HMGA2: variants seen among roughly 807,000 people sequenced by gnomAD.
HMGA2 encodes the protein high mobility group AT-hook 2, also known as high mobility group protein HMGI-C.
In HMGA2, 8 loss-of-function variants were observed where a neutral mutation model predicts 19.1. That is an observed-to-expected ratio of 0.42 (90% CI 0.25 to 0.76). HMGA2 has a LOEUF of 0.76. Among genes scored for constraint, HMGA2 ranks in the 30% least tolerant of loss-of-function variants. HMGA2 has a pLI of 0.28. For missense variants in HMGA2, 109 were observed against 136.3 expected (o/e 0.80, Z 1.00); for synonymous variants, 60 against 48.8 (o/e 1.23, Z -0.96).
At chr12:65,959,564 A>G (rs1273275134) in intron 4 of HMGA2, among the ~76,000 whole-genome samples, 2 of 152,168 alleles carry the variant, frequency 1.3e-5, no homozygotes, top group East Asian at 3.9e-4. Flanking sequence ...TAGAGGCCTT[A>G]GTGGCTGGTG....
intron 3 of HMGA2, among the ~76,000 whole-genome samples, chr12:65,854,753 T>G (rs1871647675): frequency 6.6e-6 from 1 of 152,186 alleles, no homozygotes; most frequent in Non-Finnish European, 1.5e-5. Context: ...TTTAAGACTG[T>G]CAGTTGCTCA....
chr12:65,879,389 C>T (rs768010734), intron 3 of HMGA2, among the ~76,000 whole-genome samples: 4 of 152,068 alleles, frequency 2.6e-5, no homozygotes, highest in Non-Finnish European at 5.9e-5. Flanking sequence ...TTGGCCCCCG[C>T]AAAGTGCTGG....
chr12:65,964,879 C>T lies in HMGA2; in HGVS notation c.*1587C>T, dbSNP rs1182461484. 1.6e-5 allele frequency: 3 copies of T among 191,906 alleles called. No homozygotes were observed. The highest frequency in any genetic ancestry group is 8.3e-5 in the East Asian group (1 of 11,992). 11.9% of individuals were successfully genotyped at this position (191,906 alleles called of 1,614,324 possible). On this transcript the variant is annotated 3_prime_UTR_variant, in exon 5 of 5. Coordinates refer to ENST00000403681, the MANE Select transcript of HMGA2 (RefSeq NM_003483.6). Reference sequence around the variant, plus strand: ...ACACTACACATCACACAAGATTTGACTGTAATATTTAAATATTACCCTCCA... The same window carrying T: ...ACACTACACATCACACAAGATTTGATTGTAATATTTAAATATTACCCTCCA...
intron 3 of HMGA2, among the ~76,000 whole-genome samples, chr12:65,906,533 T>C (rs1431287645): frequency 3.3e-5 from 5 of 152,212 alleles, no homozygotes; most frequent in African/African-American, 1.2e-4. Context: ...TGCTAGTATG[T>C]TGTTTCACTT....
chr12:65,880,658 C>A (rs1047776595), intron 3 of HMGA2, among the ~76,000 whole-genome samples: 1 of 152,134 alleles, frequency 6.6e-6, no homozygotes, highest in Non-Finnish European at 1.5e-5. Flanking sequence ...CAGAATCAGA[C>A]AATGTACAGT....
At chr12:65,863,962 T>G (rs1167289583) in intron 3 of HMGA2, among the ~76,000 whole-genome samples, 1 of 152,176 alleles carries the variant, frequency 6.6e-6, no homozygotes, top group Non-Finnish European at 1.5e-5. Context: ...AAATGGGATA[T>G]GAAAATCCAC....
chr12:65,899,418 C>G (rs1874282124), intron 3 of HMGA2, among the ~76,000 whole-genome samples: 1 of 152,228 alleles, frequency 6.6e-6, no homozygotes, highest in East Asian at 1.9e-4. Context: ...TTCACTGGCT[C>G]TCTTCCTTAT....
At chr12:65,863,453 G>T (rs574088338) in intron 3 of HMGA2, among the ~76,000 whole-genome samples, 1 of 149,422 alleles carries the variant, frequency 6.7e-6, no homozygotes, top group Non-Finnish European at 1.5e-5. Flanking sequence ...GCAAGTCCTG[G>T]TTCCCGAAAT....
chr12:65,920,116 A>G (rs1875250344), intron 3 of HMGA2, among the ~76,000 whole-genome samples: 3 of 152,212 alleles, frequency 2.0e-5, no homozygotes, highest in Admixed American at 2.0e-4. Flanking sequence ...CTTTTAAAGA[A>G]ACAAAACCAT....
chr12:65,860,035 T>G, intron 3 of HMGA2: 1 of 453,066 alleles, frequency 2.2e-6, no homozygotes, highest in Non-Finnish European at 4.4e-6. Context: ...TAGCCTTCAG[T>G]GAGCCATGAC....
chr12:65,913,171 G>C (rs540797840), intron 3 of HMGA2, among the ~76,000 whole-genome samples: 85 of 151,866 alleles, frequency 5.6e-4, no homozygotes, highest in Non-Finnish European at 1.2e-3. Flanking sequence ...CAGTTCTTCT[G>C]TTCCTCCATT....
At chr12:65,842,990 C>A in intron 3 of HMGA2, 1 of 585,596 alleles carries the variant, frequency 1.7e-6, no homozygotes, top group Non-Finnish European at 2.3e-6. Flanking sequence ...GAAGCAAGAA[C>A]CAAATAATGA....
At chr12:65,841,731 G>T (rs537959139) in intron 3 of HMGA2, among the ~76,000 whole-genome samples, 4 of 152,240 alleles carry the variant, frequency 2.6e-5, no homozygotes, top group African/African-American at 7.2e-5. Context: ...GGGATATTTT[G>T]CTTTGTTTTA....
At chr12:65,836,175 T>C (rs147620906) in intron 2 of HMGA2, among the ~76,000 whole-genome samples, 1,879 of 151,866 alleles carry the variant, frequency 0.012, 40 homozygotes, top group African/African-American at 0.043. Context: ...CTGGCTAACA[T>C]GGTGAAACCC....
intron 3 of HMGA2, among the ~76,000 whole-genome samples, chr12:65,901,252 T>G (rs1214696676): frequency 1.3e-5 from 2 of 152,234 alleles, no homozygotes; most frequent in African/African-American, 2.4e-5. Flanking sequence ...TTCGGCAGCC[T>G]TTACATTATA....
At position 65,850,141 on chromosome 12, in the gene HMGA2, A is replaced by G. The variant is rs558267313; in HGVS notation, c.249+11572A>G. 6.2e-4 allele frequency among the ~76,000 whole-genome samples: 94 copies of G among 152,318 alleles called. 1 individual carries two copies. Among genetic ancestry groups the G allele is most frequent in the Admixed American group, 2.0e-3 (31 of 15,306 alleles). ...GCCTTCCATCCTGTTTAGACAATTG[A>G]TGAGCTACATAAAACCATTTAAAAT... On this transcript the variant is annotated intron_variant, in intron 3 of 4. Transcript: ENST00000403681.
chr12:65,858,384 T>C (rs1592392010), intron 3 of HMGA2: 1 of 152,134 alleles, frequency 6.6e-6, no homozygotes, highest in South Asian at 2.1e-4. Flanking sequence ...CTAAAAGTAT[T>C]GTATTCAGTG....
chr12:65,898,672 A>G (rs954051752), intron 3 of HMGA2, among the ~76,000 whole-genome samples: 2 of 152,158 alleles, frequency 1.3e-5, no homozygotes, highest in Admixed American at 6.5e-5. Flanking sequence ...ATGAGCACCT[A>G]CTATGTCCAG....
At chr12:65,864,398 C>A (rs185865668) in intron 3 of HMGA2, among the ~76,000 whole-genome samples, 1 of 152,200 alleles carries the variant, frequency 6.6e-6, no homozygotes, top group East Asian at 1.9e-4. Flanking sequence ...GTTATAAAGA[C>A]AAAATTACAT....
Sources: gnomAD v4.1 joint callset for allele counts (sites outside exome capture counted in the v4.1 genomes callset) on GRCh38, gnomAD v4.1.1 for gene constraint, MANE v1.5 for transcripts, NCBI Gene and HGNC (gene_info 2026-07-23, HGNC 2026-07-21) for gene names.